Variants in KREMEN1 observed in about 807,000 individuals in gnomAD.
KREMEN1 encodes kremen protein 1.
KREMEN1 carries 30 observed loss-of-function variants against 46.5 expected under a neutral mutation model. The observed-to-expected ratio is 0.65, with a 90% CI of 0.48 to 0.88. KREMEN1 has a LOEUF of 0.88. KREMEN1 is among the 40% of genes least tolerant of loss of function. KREMEN1 has a pLI of 0.00. For synonymous variants in KREMEN1, 214 were observed against 230.6 expected (o/e 0.93, Z 0.65); for missense variants, 533 against 596.9 (o/e 0.89, Z 1.11).
At chr22:29,140,018 G>C (rs2038736129) in intron 7 of KREMEN1, among the ~76,000 whole-genome samples, 1 of 152,330 alleles carries the variant, frequency 6.6e-6, no homozygotes, top group South Asian at 2.1e-4. Flanking sequence ...CATCCCTTTA[G>C]ATTCTGAGTC....
chr22:29,101,594 A>T (rs2037976855), intron 3 of KREMEN1, among the ~76,000 whole-genome samples: 1 of 152,230 alleles, frequency 6.6e-6, no homozygotes, highest in Non-Finnish European at 1.5e-5. Flanking sequence ...AAGTGCCATG[A>T]AATAGGTAAA....
intron 3 of KREMEN1, among the ~76,000 whole-genome samples, chr22:29,117,293 C>T (rs777000658): frequency 7.9e-5 from 12 of 152,242 alleles, no homozygotes; most frequent in South Asian, 4.1e-4. Context: ...TTGGACCGGG[C>T]GCAGTAGCTC....
At chr22:29,119,330 C>T (rs1429042573) in intron 3 of KREMEN1, among the ~76,000 whole-genome samples, 1 of 152,194 alleles carries the variant, frequency 6.6e-6, no homozygotes, top group Non-Finnish European at 1.5e-5. Context: ...TATTCACCAA[C>T]CCAGAAGCTC....
intron 3 of KREMEN1, among the ~76,000 whole-genome samples, chr22:29,110,675 G>A (rs142057438): frequency 6.6e-6 from 1 of 152,316 alleles, no homozygotes; most frequent in African/African-American, 2.4e-5. Context: ...GTAAGACTCG[G>A]GGGCACAATT....
downstream of KREMEN1, among the ~76,000 whole-genome samples, chr22:29,148,745 G>A (rs1260053747): frequency 2.6e-5 from 4 of 152,058 alleles, no homozygotes; most frequent in Non-Finnish European, 4.4e-5. Flanking sequence ...GTGAGCCACC[G>A]CGCCTGGTGA....
chr22:29,165,620 C>T (rs2145878960), intron 9 of KREMEN1, among the ~76,000 whole-genome samples: 1 of 152,276 alleles, frequency 6.6e-6, no homozygotes, highest in East Asian at 1.9e-4. Context: ...TAATTTTCCC[C>T]CTACTCAAAA....
intron 9 of KREMEN1, among the ~76,000 whole-genome samples, chr22:29,165,341 A>G (rs2039043862): frequency 6.6e-6 from 1 of 151,284 alleles, no homozygotes; most frequent in African/African-American, 2.4e-5. Context: ...GTTCAAAGGT[A>G]CAGTGAGCCA....
At chr22:29,136,217 C>T (rs187450761) in intron 5 of KREMEN1, among the ~76,000 whole-genome samples, 6 of 151,678 alleles carry the variant, frequency 4.0e-5, no homozygotes, top group South Asian at 2.1e-4. Context: ...CCACCGCGCC[C>T]GGACTGCTTG....
At chr22:29,105,091 C>G (rs1325937177) in intron 3 of KREMEN1, among the ~76,000 whole-genome samples, 2 of 152,010 alleles carry the variant, frequency 1.3e-5, no homozygotes, top group African/African-American at 2.4e-5. Flanking sequence ...TAAGCATATG[C>G]GAGATACTCT....
intron 3 of KREMEN1, among the ~76,000 whole-genome samples, chr22:29,102,199 G>A (rs1241290090): frequency 6.6e-6 from 1 of 152,126 alleles, no homozygotes; most frequent in African/African-American, 2.4e-5. Flanking sequence ...CTGATACCTG[G>A]AATAGCATCT....
downstream of KREMEN1, among the ~76,000 whole-genome samples, chr22:29,147,200 A>G (rs1427528370): frequency 6.6e-6 from 1 of 152,202 alleles, no homozygotes; most frequent in Non-Finnish European, 1.5e-5. Flanking sequence ...TCAGGAGGCT[A>G]TGGAGGCTAT....
chr22:29,126,077 C>T (rs1476808160), intron 5 of KREMEN1, among the ~76,000 whole-genome samples: 2 of 149,634 alleles, frequency 1.3e-5, no homozygotes, highest in South Asian at 2.1e-4. Flanking sequence ...ATAATTACAG[C>T]GCTGTGCAGC....
intron 1 of KREMEN1, among the ~76,000 whole-genome samples, chr22:29,086,183 G>T (rs893929731): frequency 6.6e-6 from 1 of 152,092 alleles, no homozygotes; most frequent in Non-Finnish European, 1.5e-5. Context: ...TCTTGAACTT[G>T]AAATTGCAGA....
rs1286984181 is a variant in KREMEN1, at chr22:29,143,424, G to A, written c.*1312G>A. 1.8e-5 allele frequency: 18 copies of A among 985,134 alleles called. No homozygotes were observed. The highest frequency in any genetic ancestry group is 2.0e-5 in the Non-Finnish European group (17 of 829,944). 61.0% of individuals were successfully genotyped at this position (985,134 alleles called of 1,614,324 possible). ...CATGGGGCCTGTGGTCCTTCCTTCT[G>A]GTGTCCCCCGTGTTAAAAGATAAAA... On this transcript the variant is annotated 3_prime_UTR_variant, in exon 9 of 9. Coordinates refer to ENST00000400335, the MANE Select transcript of KREMEN1 (RefSeq NM_001039570.3).
At chr22:29,109,673 T>TA (rs1390596345) in intron 3 of KREMEN1, among the ~76,000 whole-genome samples, 2 of 152,160 alleles carry the variant, frequency 1.3e-5, no homozygotes, top group Non-Finnish European at 2.9e-5. Flanking sequence ...ATGGGACTGA[T>TA]ATGCTGAAAG....
At chr22:29,088,165 T>C (rs1601755794) in intron 1 of KREMEN1, among the ~76,000 whole-genome samples, 1 of 152,306 alleles carries the variant, frequency 6.6e-6, no homozygotes, top group Non-Finnish European at 1.5e-5. Context: ...ATTCAAACCA[T>C]ATATATGTTC....
chr22:29,085,702 C>T (rs2145746040), intron 1 of KREMEN1, among the ~76,000 whole-genome samples: 1 of 152,210 alleles, frequency 6.6e-6, no homozygotes, highest in Middle Eastern at 3.4e-3. Flanking sequence ...AGGCCGGGCA[C>T]AATAGCTCTT....
At chr22:29,113,644 G>T (rs1601780768) in intron 3 of KREMEN1, among the ~76,000 whole-genome samples, 1 of 152,222 alleles carries the variant, frequency 6.6e-6, no homozygotes, top group Admixed American at 6.5e-5. Context: ...AGCTGAGAAG[G>T]GCTGTGATGG....
Position 29,146,427 on chromosome 22 carries a change from TG to T in KREMEN1, c.*4317del. 1 of 985,588 alleles carries T rather than the reference TG, an allele frequency of 1.0e-6. No individual in the cohort carries two copies. Among genetic ancestry groups the T allele is most frequent in the Non-Finnish European group, 1.2e-6 (1 of 829,928 alleles). 61.1% of individuals were successfully genotyped at this position (985,588 alleles called of 1,614,324 possible). ...TGGGTACGGAGGCAGAAGTGGGGTG[TG>T]GAGGAAAGTCAGAGGGAAATCTGCT... On this transcript the variant is annotated 3_prime_UTR_variant, in exon 9 of 9. Coordinates refer to ENST00000400335, the MANE Select transcript of KREMEN1 (RefSeq NM_001039570.3).
Sources: allele counts gnomAD v4.1 joint callset (sites outside exome capture counted in the v4.1 genomes callset), GRCh38; gene constraint gnomAD v4.1.1; transcripts MANE v1.5; gene names NCBI Gene and HGNC (gene_info 2026-07-23, HGNC 2026-07-21).